Variants in ESRRG observed in about 807,000 individuals in gnomAD.
ESRRG encodes estrogen-related receptor gamma.
In ESRRG, 13 loss-of-function variants were observed where a neutral mutation model predicts 44.0. That is an observed-to-expected ratio of 0.30 (90% confidence interval 0.19 to 0.47). The LOEUF (loss-of-function observed/expected upper bound fraction) is 0.47, where lower values mean the gene tolerates loss of function less well. Among genes scored for constraint, ESRRG ranks in the 20% least tolerant of loss-of-function variants. The pLI, the probability that ESRRG is intolerant of heterozygous loss-of-function variation, is 1.00. For synonymous variants in ESRRG, 215 were observed against 214.6 expected (o/e 1.00, Z -0.02); for missense variants, 395 against 580.6 (o/e 0.68, Z 3.29).
At chr1:216,894,945 C>A (rs895012173) in intron 2 of ESRRG, among the ~76,000 whole-genome samples, 2 of 152,024 alleles carry the variant, frequency 1.3e-5, no homozygotes, top group African/African-American at 4.8e-5. Context: ...AAATATATTT[C>A]TTTTCAAGTC....
intron 2 of ESRRG, among the ~76,000 whole-genome samples, chr1:216,666,146 C>A (rs996024327): frequency 5.3e-5 from 8 of 152,290 alleles, no homozygotes; most frequent in Admixed American, 5.2e-4. Context: ...CCCTTTCTTA[C>A]AGATTTAGCA....
intron 2 of ESRRG, among the ~76,000 whole-genome samples, chr1:216,741,616 A>G (rs2090747553): frequency 6.6e-6 from 1 of 152,186 alleles, no homozygotes; most frequent in African/African-American, 2.4e-5. Context: ...TTGAAGGCAG[A>G]GACCCTGTCT....
chr1:217,021,482 A>G (rs1372680691), intron 1 of ESRRG, among the ~76,000 whole-genome samples: 1 of 152,200 alleles, frequency 6.6e-6, no homozygotes, highest in East Asian at 1.9e-4. Context: ...TGACCTGAAA[A>G]GGCAGATATA....
At chr1:217,024,261 G>A (rs1482210866) in intron 1 of ESRRG, among the ~76,000 whole-genome samples, 1 of 152,046 alleles carries the variant, frequency 6.6e-6, no homozygotes, top group Non-Finnish European at 1.5e-5. Context: ...GGGAGGCTGA[G>A]GCAGGAGAAT....
intron 1 of ESRRG, among the ~76,000 whole-genome samples, chr1:217,072,228 T>A (rs1442213106): frequency 3.3e-5 from 5 of 152,192 alleles, no homozygotes; most frequent in Admixed American, 2.6e-4. Context: ...CCACCACAGT[T>A]ATCATCACCA....
intron 5 of ESRRG, among the ~76,000 whole-genome samples, chr1:216,537,275 T>A (rs570424084): frequency 6.6e-6 from 1 of 152,148 alleles, no homozygotes; most frequent in African/African-American, 2.4e-5. Flanking sequence ...GAGCCATCTA[T>A]GAAACAGAAA....
At chr1:216,559,059 G>A (rs1259674937) in intron 5 of ESRRG, among the ~76,000 whole-genome samples, 2 of 151,804 alleles carry the variant, frequency 1.3e-5, no homozygotes, top group Non-Finnish European at 1.5e-5. Context: ...TAGTAGAGAC[G>A]GGGTTTTGCC....
At chr1:216,776,972 T>G (rs2093638254) in intron 2 of ESRRG, among the ~76,000 whole-genome samples, 1 of 152,122 alleles carries the variant, frequency 6.6e-6, no homozygotes, top group Admixed American at 6.6e-5. Context: ...TAGGCATTTT[T>G]AACTGTAGGT....
At chr1:216,609,629 T>A (rs2060363655) in intron 3 of ESRRG, among the ~76,000 whole-genome samples, 2 of 152,222 alleles carry the variant, frequency 1.3e-5, no homozygotes, top group African/African-American at 4.8e-5. Context: ...TCAGATTCAA[T>A]AAAATGGAAT....
At chr1:216,741,003 T>C (rs954696414) in intron 2 of ESRRG, among the ~76,000 whole-genome samples, 2 of 151,814 alleles carry the variant, frequency 1.3e-5, no homozygotes, top group African/African-American at 2.4e-5. Flanking sequence ...TTTAAAGTCA[T>C]ATACGAAATT....
intron 1 of ESRRG, among the ~76,000 whole-genome samples, chr1:217,068,623 T>C (rs1471751674): frequency 6.6e-6 from 1 of 152,158 alleles, no homozygotes; most frequent in Non-Finnish European, 1.5e-5. Context: ...AAACTTTCAC[T>C]ACAAAAATAT....
upstream of ESRRG, among the ~76,000 whole-genome samples, chr1:216,725,217 T>C (rs573312687): frequency 6.6e-5 from 10 of 152,166 alleles, no homozygotes; most frequent in Non-Finnish European, 1.3e-4. Context: ...TTATTTGTGT[T>C]CTAAATGCAT....
chr1:216,977,921 C>G (rs546150702), intron 1 of ESRRG, among the ~76,000 whole-genome samples: 1 of 152,054 alleles, frequency 6.6e-6, no homozygotes, highest in Admixed American at 6.6e-5. Flanking sequence ...TCCAATTTCC[C>G]CTTGCTTGCA....
intron 2 of ESRRG, among the ~76,000 whole-genome samples, chr1:216,785,045 C>T (rs775904433): frequency 5.3e-5 from 8 of 151,540 alleles, no homozygotes; most frequent in Non-Finnish European, 7.4e-5. Flanking sequence ...GCCTAAACTA[C>T]GAAAACAGCA....
At chr1:217,081,328 A>G (rs1018296389) in intron 1 of ESRRG, among the ~76,000 whole-genome samples, 4 of 130,954 alleles carry the variant, frequency 3.1e-5, no homozygotes, top group Admixed American at 9.1e-5. Flanking sequence ...CCTGGGTTCA[A>G]GTGATTCTCC....
At chr1:217,073,962 T>G (rs2090933434) in intron 1 of ESRRG, among the ~76,000 whole-genome samples, 1 of 152,154 alleles carries the variant, frequency 6.6e-6, no homozygotes, top group Non-Finnish European at 1.5e-5. Context: ...CTTACTAGTC[T>G]GTTCATTATT....
chr1:216,832,809 C>T (rs1242449021), intron 2 of ESRRG, among the ~76,000 whole-genome samples: 1 of 151,978 alleles, frequency 6.6e-6, no homozygotes, highest in Non-Finnish European at 1.5e-5. Context: ...ACTAAAAATA[C>T]AAAAATAAAC....
At chr1:216,858,327 C>G (rs1186002252) in intron 2 of ESRRG, among the ~76,000 whole-genome samples, 1 of 151,532 alleles carries the variant, frequency 6.6e-6, no homozygotes, top group African/African-American at 2.4e-5. Flanking sequence ...GTCCCAGCTA[C>G]TTGGGAGGCT....
At chr1:216,928,076 C>T (rs1267689182) in intron 2 of ESRRG, among the ~76,000 whole-genome samples, 1 of 152,172 alleles carries the variant, frequency 6.6e-6, no homozygotes, top group African/African-American at 2.4e-5. Context: ...AAAGTCTTGA[C>T]CATGAGGGAT....
Sources: gnomAD v4.1 joint callset for allele counts (sites outside exome capture counted in the v4.1 genomes callset) on GRCh38, gnomAD v4.1.1 for gene constraint, MANE v1.5 for transcripts, NCBI Gene and HGNC (gene_info 2026-07-23, HGNC 2026-07-21) for gene names.